Variants in ERBB4 observed in about 807,000 individuals in gnomAD.
ERBB4 encodes the protein erb-b2 receptor tyrosine kinase 4.
A neutral mutation model predicts 158.0 loss-of-function variants in ERBB4; 42 were observed. That is an observed-to-expected ratio of 0.27 (90% CI 0.21 to 0.34). The LOEUF (loss-of-function observed/expected upper bound fraction) is 0.34. Among genes scored for constraint, ERBB4 ranks in the 10% least tolerant of loss-of-function variants. ERBB4 has a pLI of 1.00. For synonymous variants in ERBB4, 583 were observed against 558.7 expected, an observed-to-expected ratio of 1.04 and a Z score of -0.61; for missense variants, 1,333 against 1,624.1, an observed-to-expected ratio of 0.82 and a Z score of 3.08.
intron 19 of ERBB4, among the ~76,000 whole-genome samples, chr2:211,605,904 C>A (rs2068962981): frequency 2.0e-5 from 3 of 151,956 alleles, no homozygotes; most frequent in African/African-American, 7.2e-5. Flanking sequence ...AGAATTTAGA[C>A]CAAGATCTTT....
chr2:211,558,096 T>C (rs1010363503), intron 20 of ERBB4, among the ~76,000 whole-genome samples: 1 of 152,110 alleles, frequency 6.6e-6, no homozygotes, highest in Non-Finnish European at 1.5e-5. Flanking sequence ...AAACACACAC[T>C]AGGGCCTACC....
chr2:212,383,380 T>C (rs2090572386), intron 1 of ERBB4, among the ~76,000 whole-genome samples: 1 of 151,534 alleles, frequency 6.6e-6, no homozygotes, highest in Non-Finnish European at 1.5e-5. Flanking sequence ...TACTTATTCA[T>C]ATTTCTTAGA....
At chr2:212,214,180 A>G (rs2083023994) in intron 1 of ERBB4, among the ~76,000 whole-genome samples, 1 of 151,844 alleles carries the variant, frequency 6.6e-6, no homozygotes, top group South Asian at 2.1e-4. Flanking sequence ...TAATTTTTTA[A>G]AGCTACTTAA....
intron 20 of ERBB4, among the ~76,000 whole-genome samples, chr2:211,530,989 G>C (rs1300470619): frequency 6.6e-6 from 1 of 152,054 alleles, no homozygotes; most frequent in African/African-American, 2.4e-5. Context: ...GAACAAATTA[G>C]AGAACCCAGA....
At chr2:212,100,315 A>G (rs150005831) in intron 2 of ERBB4, among the ~76,000 whole-genome samples, 1,572 of 152,332 alleles carry the variant, frequency 0.01, 19 homozygotes, top group Admixed American at 0.016. Context: ...AAACAGAAGT[A>G]AGCAGATTTC....
intron 3 of ERBB4, among the ~76,000 whole-genome samples, chr2:211,868,532 T>C (rs182436717): frequency 1.3e-5 from 2 of 152,316 alleles, no homozygotes; most frequent in East Asian, 3.9e-4. Context: ...AGTATGATAA[T>C]TGTGAATAAT....
intron 1 of ERBB4, among the ~76,000 whole-genome samples, chr2:212,435,333 T>C (rs2092114593): frequency 6.6e-6 from 1 of 151,952 alleles, no homozygotes; most frequent in East Asian, 1.9e-4. Flanking sequence ...TTGTTGTCAC[T>C]CTCTGAGTAG....
intron 1 of ERBB4, among the ~76,000 whole-genome samples, chr2:212,285,177 C>G (rs556000542): frequency 2.0e-5 from 3 of 152,198 alleles, no homozygotes; most frequent in African/African-American, 7.2e-5. Context: ...TATAGACTTT[C>G]GCCAAAACAG....
At chr2:211,740,934 T>C (rs750914624) in intron 5 of ERBB4, among the ~76,000 whole-genome samples, 11 of 152,170 alleles carry the variant, frequency 7.2e-5, no homozygotes, top group Non-Finnish European at 1.2e-4. Context: ...TTTAACCAAA[T>C]TGATTAATTT....
At chr2:212,097,562 A>G (rs1421605527) in intron 2 of ERBB4, among the ~76,000 whole-genome samples, 1 of 152,178 alleles carries the variant, frequency 6.6e-6, no homozygotes, top group African/African-American at 2.4e-5. Context: ...GATGAATTAT[A>G]CAGAAAGGAG....
Position 211,933,063 on chromosome 2 carries a change from A to G in ERBB4, c.421+14367T>C, listed in dbSNP as rs772006385. Among the ~76,000 whole-genome samples the G allele has an allele frequency of 2.0e-5, 3 of 151,986 alleles. No homozygotes were observed. The South Asian group carries it at 6.2e-4, about 32-fold the overall frequency. On this transcript the variant is annotated intron_variant, in intron 3 of 27. Coordinates refer to ENST00000342788, the MANE Select transcript of ERBB4 (RefSeq NM_005235.3). The stretch of plus-strand genomic sequence containing the variant: ...CTACATTGTGACCCCTGATGTATTT[A>G]TTTTGCACAAGTGATAGTTAGGTTC...
chr2:212,363,217 C>A (rs1010991888), intron 1 of ERBB4, among the ~76,000 whole-genome samples: 8 of 151,292 alleles, frequency 5.3e-5, no homozygotes, highest in Non-Finnish European at 1.2e-4. Flanking sequence ...GTAGCCCATG[C>A]AGACTTGTAT....
At chr2:211,394,002 G>A (rs1373115462) in intron 25 of ERBB4, among the ~76,000 whole-genome samples, 2 of 152,046 alleles carry the variant, frequency 1.3e-5, no homozygotes, top group South Asian at 2.1e-4. Context: ...CTGCTTGACT[G>A]AGGGTAAGTA....
chr2:211,709,340 A>C lies in ERBB4; in HGVS notation c.1124+2710T>G, dbSNP rs146260574. On this transcript the variant is annotated intron_variant, in intron 9 of 27. Transcript: ENST00000342788. ...GAGAGAGAGTAATTTTATAACTAGT[A>C]GAAATCTAGAGTTTTAATAATTATG... Among the ~76,000 whole-genome samples the C allele has an allele frequency of 5.8e-3, 866 of 149,456 alleles. 4 individuals are homozygous for C. Among genetic ancestry groups the C allele is most frequent in the Middle Eastern group, 0.021 (6 of 282 alleles).
chr2:211,920,454 C>A (rs893757190), intron 3 of ERBB4, among the ~76,000 whole-genome samples: 1 of 151,850 alleles, frequency 6.6e-6, no homozygotes, highest in Non-Finnish European at 1.5e-5. Flanking sequence ...AAAGGTGGTA[C>A]TTTTACTCTG....
intron 1 of ERBB4, among the ~76,000 whole-genome samples, chr2:212,318,817 C>T (rs1434397075): frequency 6.6e-6 from 1 of 151,568 alleles, no homozygotes; most frequent in Non-Finnish European, 1.5e-5. Flanking sequence ...GAAGCTGAAA[C>T]TTCCGGTCTT....
chr2:212,015,839 C>G (rs2076516288), intron 2 of ERBB4, among the ~76,000 whole-genome samples: 1 of 152,080 alleles, frequency 6.6e-6, no homozygotes, highest in African/African-American at 2.4e-5. Flanking sequence ...GGCCCTTTGA[C>G]CTTGAACAGT....
chr2:211,550,130 T>G (rs183438573), intron 20 of ERBB4, among the ~76,000 whole-genome samples: 1 of 152,068 alleles, frequency 6.6e-6, no homozygotes, highest in Non-Finnish European at 1.5e-5. Flanking sequence ...AATAAACGTA[T>G]CCTTCACCTC....
chr2:211,628,799 G>C (rs182671644), intron 17 of ERBB4, among the ~76,000 whole-genome samples: 3,266 of 152,204 alleles, frequency 0.021, 103 homozygotes, highest in African/African-American at 0.075. Context: ...GTGTAAAAGT[G>C]TTCCTATTTC....
Sources: gnomAD v4.1 joint callset for allele counts (sites outside exome capture counted in the v4.1 genomes callset) on GRCh38, gnomAD v4.1.1 for gene constraint, MANE v1.5 for transcripts, NCBI Gene and HGNC (gene_info 2026-07-23, HGNC 2026-07-21) for gene names.